TTC28: variants seen among roughly 807,000 people sequenced by gnomAD.
TTC28 encodes the protein tetratricopeptide repeat protein 28.
TTC28 carries 61 observed loss-of-function variants against 198.0 expected under a neutral mutation model. The ratio of observed to expected loss-of-function variants is 0.31; its 90% CI spans 0.25 to 0.38. TTC28 has a LOEUF of 0.38. Ranked by LOEUF, TTC28 falls within the 10% of genes least tolerant of loss-of-function variation. The probability of loss-of-function intolerance (pLI) is 1.00; values close to 1 mark genes in which losing one functional copy is unlikely to be tolerated. For missense variants in TTC28, 2,678 were observed against 3,164.0 expected (o/e 0.85, Z 3.69); for synonymous variants, 1,171 against 1,297.8 (o/e 0.90, Z 2.10).
At chr22:28,433,143 T>C (rs1430768292) in intron 2 of TTC28, among the ~76,000 whole-genome samples, 1 of 152,220 alleles carries the variant, frequency 6.6e-6, no homozygotes, top group Non-Finnish European at 1.5e-5. Context: ...TTTCCTATGA[T>C]TTTTAAAGCC....
intron 6 of TTC28, among the ~76,000 whole-genome samples, chr22:28,150,753 G>T (rs914944786): frequency 1.3e-5 from 2 of 152,182 alleles, no homozygotes; most frequent in African/African-American, 2.4e-5. Context: ...AGGTGCCAGT[G>T]CCAGGTGTGG....
In TTC28 at chr22:28,167,240, A is replaced by G. The variant is rs149055659; in HGVS notation, c.934-3641T>C. On this transcript the variant is annotated intron_variant, in intron 5 of 22. Transcript: ENST00000397906. ...TGGATTCACAGCCAAATTCTACCAG[A>G]GGTATAAGGAGGAGCTGGTACCATT... is the stretch of plus-strand genomic sequence containing the variant. 1.9e-3 allele frequency among the ~76,000 whole-genome samples: 290 copies of G among 152,336 alleles called. 2 individuals are homozygous for G. Among genetic ancestry groups the G allele is most frequent in the Middle Eastern group, 0.014 (4 of 294 alleles).
At chr22:28,396,651 A>C (rs1486676475) in intron 2 of TTC28, among the ~76,000 whole-genome samples, 1 of 152,196 alleles carries the variant, frequency 6.6e-6, no homozygotes, top group East Asian at 1.9e-4. Context: ...CACAGCTCTA[A>C]AAGGCAAGAA....
intron 2 of TTC28, among the ~76,000 whole-genome samples, chr22:28,414,756 A>C (rs1023263126): frequency 6.6e-6 from 1 of 152,210 alleles, no homozygotes; most frequent in Admixed American, 6.5e-5. Flanking sequence ...ATGATCTAAG[A>C]ACCAAAAAAG....
At chr22:28,040,686 T>A (rs755136357) in intron 12 of TTC28, among the ~76,000 whole-genome samples, 2 of 152,198 alleles carry the variant, frequency 1.3e-5, no homozygotes, top group Non-Finnish European at 2.9e-5. Flanking sequence ...AAGAAAAGGA[T>A]GCCCTCTGTC....
chr22:28,324,666 A>G (rs895878863), intron 2 of TTC28, among the ~76,000 whole-genome samples: 4 of 137,878 alleles, frequency 2.9e-5, no homozygotes, highest in Non-Finnish European at 6.4e-5. Context: ...TAGATGCAGA[A>G]AAGGCCTTCG....
intron 2 of TTC28, among the ~76,000 whole-genome samples, chr22:28,595,698 G>A (rs1279125347): frequency 6.6e-6 from 1 of 152,178 alleles, no homozygotes; most frequent in Non-Finnish European, 1.5e-5. Flanking sequence ...GGCCGAGGCA[G>A]GCGGCTCATG....
At chr22:28,081,893 A>G (rs1401533265) in intron 12 of TTC28, among the ~76,000 whole-genome samples, 4 of 152,184 alleles carry the variant, frequency 2.6e-5, no homozygotes, top group Non-Finnish European at 5.9e-5. Context: ...TGATCATAGG[A>G]TATCTTCCCA....
chr22:28,219,873 G>GAACC (rs1927718869), intron 5 of TTC28, among the ~76,000 whole-genome samples: 1 of 152,186 alleles, frequency 6.6e-6, no homozygotes, highest in Non-Finnish European at 1.5e-5. Context: ...CATTCATCCT[G>GAACC]AACCATTTAT....
At chr22:28,372,074 C>A (rs2046346614) in intron 2 of TTC28, among the ~76,000 whole-genome samples, 1 of 151,840 alleles carries the variant, frequency 6.6e-6, no homozygotes, top group Admixed American at 6.6e-5. Flanking sequence ...GATGACAGAA[C>A]AAGACCCTGT....
intron 2 of TTC28, among the ~76,000 whole-genome samples, chr22:28,434,955 A>G (rs1005353052): frequency 2.0e-5 from 3 of 152,154 alleles, no homozygotes; most frequent in Non-Finnish European, 4.4e-5. Flanking sequence ...ACCTCTCACA[A>G]AGTAAATGGT....
chr22:28,174,504 G>C (rs1922970911), intron 5 of TTC28, among the ~76,000 whole-genome samples: 1 of 152,176 alleles, frequency 6.6e-6, no homozygotes, highest in Non-Finnish European at 1.5e-5. Context: ...GTACACTGAA[G>C]ACCAGCATAT....
At chr22:28,525,826 T>C (rs987860111) in intron 2 of TTC28, among the ~76,000 whole-genome samples, 1 of 152,192 alleles carries the variant, frequency 6.6e-6, no homozygotes, top group Admixed American at 6.5e-5. Flanking sequence ...AAAAGCACTG[T>C]TATTTAGTAA....
Position 28,606,851 on chromosome 22 carries a change from C to T in TTC28, c.381+22701G>A, listed in dbSNP as rs560268943. ...TAACAATTGTTCTGGTAATGAAATC[C>T]ATAACATGAAAAGAAGTGCCCATTG... On this transcript the variant is annotated intron_variant, in intron 2 of 22. Transcript: ENST00000397906. Among the ~76,000 whole-genome samples the T allele has an allele frequency of 1.8e-4, 27 of 152,116 alleles. No individual in the cohort carries two copies. In the South Asian group the frequency reaches 5.4e-3, roughly 31 times the overall value.
At chr22:28,188,883 A>G (rs957501764) in intron 5 of TTC28, among the ~76,000 whole-genome samples, 30 of 152,294 alleles carry the variant, frequency 2.0e-4, no homozygotes, top group Admixed American at 6.5e-4. Context: ...GAGCCACCCA[A>G]CCACACAGAG....
At chr22:28,028,824 C>T (rs1421978346) in intron 13 of TTC28, 1 of 358,390 alleles carries the variant, frequency 2.8e-6, no homozygotes, top group South Asian at 2.1e-5. Flanking sequence ...GTTATTTATA[C>T]ATTGGCTCCT....
chr22:28,115,820 G>C (rs1942613434), intron 6 of TTC28, among the ~76,000 whole-genome samples: 2 of 152,110 alleles, frequency 1.3e-5, no homozygotes, highest in African/African-American at 2.4e-5. Context: ...TTGAGAGTTT[G>C]GTGGCCACTT....
chr22:28,339,720 G>A (rs1358761843), intron 2 of TTC28, among the ~76,000 whole-genome samples: 6 of 152,162 alleles, frequency 3.9e-5, no homozygotes, highest in East Asian at 1.9e-4. Context: ...CTGGTGTGGT[G>A]TTTGCTAAGA....
intron 1 of TTC28, among the ~76,000 whole-genome samples, chr22:28,662,564 C>T (rs1157560468): frequency 1.3e-5 from 2 of 152,188 alleles, no homozygotes; most frequent in East Asian, 3.8e-4. Context: ...AGTACTGACA[C>T]AGAGTACACA....
Sources: allele counts gnomAD v4.1 joint callset (sites outside exome capture counted in the v4.1 genomes callset), GRCh38; gene constraint gnomAD v4.1.1; transcripts MANE v1.5; gene names NCBI Gene and HGNC (gene_info 2026-07-23, HGNC 2026-07-21).